Variants in DOK6 observed in about 807,000 individuals in gnomAD.
The protein encoded by DOK6 is downstream of tyrosine kinase 6.
Under a neutral mutation model 44.0 loss-of-function variants are expected in DOK6, and 22 were observed. The observed-to-expected ratio is 0.50, with a 90% CI of 0.36 to 0.71. The LOEUF (loss-of-function observed/expected upper bound fraction) is 0.71. Ranked by LOEUF, DOK6 falls within the 30% of genes least tolerant of loss-of-function variation. DOK6 has a pLI of 0.00. For missense variants in DOK6, 340 were observed against 416.4 expected (o/e 0.82, Z 1.60); for synonymous variants, 166 against 145.5 (o/e 1.14, Z -1.01).
At chr18:69,563,126 G>T (rs1051794265) in intron 1 of DOK6, among the ~76,000 whole-genome samples, 2 of 152,136 alleles carry the variant, frequency 1.3e-5, no homozygotes, top group Non-Finnish European at 2.9e-5. Flanking sequence ...ACTTAGAATG[G>T]CGATCATTAA....
At position 69,466,423 on chromosome 18, in the gene DOK6, A is replaced by T. The variant is rs1275003241; in HGVS notation, c.66+65113A>T. Among the ~76,000 whole-genome samples the T allele has an allele frequency of 2.6e-5, 4 of 152,320 alleles. No individual in the cohort carries two copies. The East Asian group carries it at 7.7e-4, about 29-fold the overall frequency. On this transcript the variant is annotated intron_variant, in intron 1 of 7. Transcript: ENST00000382713. ...ATTATCCGTTCTTTCATCAATGAAC[A>T]CAAAGATGGATTTTATATCTTGGCT...
At chr18:69,495,048 G>C (rs1268048536) in intron 1 of DOK6, among the ~76,000 whole-genome samples, 1 of 152,242 alleles carries the variant, frequency 6.6e-6, no homozygotes, top group Non-Finnish European at 1.5e-5. Context: ...AGTCACGCAT[G>C]CTGGCTGACA....
chr18:69,742,021 T>G (rs892244741), intron 6 of DOK6, among the ~76,000 whole-genome samples: 3 of 152,198 alleles, frequency 2.0e-5, no homozygotes, highest in African/African-American at 7.2e-5. Context: ...TATAACCCAC[T>G]TTCTTTGGGG....
At chr18:69,487,209 GTGTGTGTGTGTGTC>G (rs1209054568) in intron 1 of DOK6, among the ~76,000 whole-genome samples, 2 of 149,250 alleles carry the variant, frequency 1.3e-5, no homozygotes, top group South Asian at 4.2e-4. Context: ...GTGTGTGTGT[GTGTGTGTGTGTGTC>G]TGTCTGTGTG....
At chr18:69,743,730 A>G (rs1442767729) in intron 6 of DOK6, among the ~76,000 whole-genome samples, 1 of 150,502 alleles carries the variant, frequency 6.6e-6, no homozygotes, top group Non-Finnish European at 1.5e-5. Context: ...TGTGGGGGGG[A>G]TTGTCAGTAA....
chr18:69,734,023 G>A lies in DOK6; in HGVS notation c.600-4942G>A, dbSNP rs183416725. Among the ~76,000 whole-genome samples the A allele has an allele frequency of 4.6e-5, 7 of 152,020 alleles. No individual in the cohort carries two copies. In the East Asian group the frequency reaches 7.7e-4, roughly 17 times the overall value. On this transcript the variant is annotated intron_variant, in intron 5 of 7. Transcript: ENST00000382713. ...CTTCTGTGACTTTATTTGAATCCTCGCTTGAAATCCCTTCTCCTTTCTGAG... is the reference window on the plus strand; with the variant it reads ...CTTCTGTGACTTTATTTGAATCCTCACTTGAAATCCCTTCTCCTTTCTGAG...
At chr18:69,734,476 A>C (rs770578870) in intron 5 of DOK6, among the ~76,000 whole-genome samples, 3 of 149,606 alleles carry the variant, frequency 2.0e-5, no homozygotes, top group Admixed American at 6.7e-5. Flanking sequence ...AATAAGTGTT[A>C]ATTGGTTTTA....
chr18:69,504,869 C>G (rs1981139907), intron 1 of DOK6, among the ~76,000 whole-genome samples: 1 of 152,132 alleles, frequency 6.6e-6, no homozygotes, highest in South Asian at 2.1e-4. Flanking sequence ...AGTTTTGTTA[C>G]AGGAAAAATG....
intron 5 of DOK6, chr18:69,721,507 C>G (rs1389648877): frequency 1.3e-5 from 2 of 152,096 alleles, no homozygotes; most frequent in African/African-American, 4.8e-5. Flanking sequence ...TTTTGGTTGT[C>G]AAAAACAAAA....
intron 7 of DOK6, among the ~76,000 whole-genome samples, chr18:69,822,372 G>A (rs1981599182): frequency 6.6e-6 from 1 of 152,170 alleles, no homozygotes; most frequent in Non-Finnish European, 1.5e-5. Context: ...AGAGACAATG[G>A]GCAGTTTATT....
intron 1 of DOK6, among the ~76,000 whole-genome samples, chr18:69,511,017 A>G (rs1019784906): frequency 1.3e-5 from 2 of 152,224 alleles, no homozygotes; most frequent in Admixed American, 6.5e-5. Context: ...AGAAAATAAA[A>G]TGAAACAAAA....
intron 3 of DOK6, among the ~76,000 whole-genome samples, chr18:69,638,033 G>A (rs986492649): frequency 4.6e-5 from 7 of 152,146 alleles, no homozygotes; most frequent in Non-Finnish European, 8.8e-5. Flanking sequence ...AGAACTCAGA[G>A]CTCCTAATTC....
intron 3 of DOK6, among the ~76,000 whole-genome samples, chr18:69,652,085 G>A (rs1182498259): frequency 6.6e-6 from 1 of 152,148 alleles, no homozygotes; most frequent in East Asian, 1.9e-4. Flanking sequence ...GCTCCCATAG[G>A]CATTTACACA....
intron 1 of DOK6, among the ~76,000 whole-genome samples, chr18:69,548,289 C>T (rs911338431): frequency 6.6e-6 from 1 of 151,446 alleles, no homozygotes. Context: ...TGTCCATTGA[C>T]GGACACTTAG....
intron 3 of DOK6, among the ~76,000 whole-genome samples, chr18:69,631,690 C>T (rs1047292744): frequency 1.3e-5 from 2 of 152,156 alleles, no homozygotes; most frequent in Non-Finnish European, 2.9e-5. Flanking sequence ...CAATATTAGA[C>T]GTTTGATACC....
chr18:69,638,396 G>T (rs1394933861), intron 3 of DOK6, among the ~76,000 whole-genome samples: 2 of 152,022 alleles, frequency 1.3e-5, no homozygotes, highest in Non-Finnish European at 2.9e-5. Context: ...TTGAGGATAA[G>T]GCCTATAAAT....
At chr18:69,796,969 A>T (rs943008632) in intron 7 of DOK6, among the ~76,000 whole-genome samples, 10 of 152,168 alleles carry the variant, frequency 6.6e-5, no homozygotes, top group African/African-American at 1.9e-4. Context: ...CTTATATTTG[A>T]TGAACTGACT....
At chr18:69,405,821 A>T (rs1916196688) in intron 1 of DOK6, among the ~76,000 whole-genome samples, 1 of 152,174 alleles carries the variant, frequency 6.6e-6, no homozygotes, top group African/African-American at 2.4e-5. Context: ...AGTCATTCTG[A>T]CTATTTAAAA....
At chr18:69,768,954 C>CGT (rs61202412) in intron 7 of DOK6, among the ~76,000 whole-genome samples, 15,013 of 142,624 alleles carry the variant, frequency 0.11, 999 homozygotes, top group Non-Finnish European at 0.13. Flanking sequence ...GAAGGGTGTG[C>CGT]GTGTGTGTGT....
Sources: allele counts gnomAD v4.1 joint callset (sites outside exome capture counted in the v4.1 genomes callset), GRCh38; gene constraint gnomAD v4.1.1; transcripts MANE v1.5; gene names NCBI Gene and HGNC (gene_info 2026-07-23, HGNC 2026-07-21).